FHOD3: variants seen among roughly 807,000 people sequenced by gnomAD.
FHOD3 encodes the protein FH1/FH2 domain-containing protein 3.
In FHOD3, 90 loss-of-function variants were observed where a neutral mutation model predicts 173.0. That is an observed-to-expected ratio of 0.52 (90% CI 0.44 to 0.62). FHOD3 has a LOEUF of 0.62. FHOD3 is among the 20% of genes least tolerant of loss of function. The pLI is 0.00. For missense variants in FHOD3, 1,945 were observed against 2,034.7 expected, an observed-to-expected ratio of 0.96 and a Z score of 0.85; for synonymous variants, 828 against 823.0, an observed-to-expected ratio of 1.01 and a Z score of -0.10.
At chr18:36,705,459 G>A (rs11664154) in intron 17 of FHOD3, among the ~76,000 whole-genome samples, 19,132 of 152,148 alleles carry the variant, frequency 0.13, 1,533 homozygotes, top group Non-Finnish European at 0.18. Context: ...CCAGGGCACC[G>A]TGCATTTTAT....
At chr18:36,575,010 A>T (rs532798201) in intron 5 of FHOD3, among the ~76,000 whole-genome samples, 3 of 149,934 alleles carry the variant, frequency 2.0e-5, no homozygotes, top group African/African-American at 7.4e-5. Context: ...TTGCTCTATC[A>T]CCCAGACTGG....
intron 1 of FHOD3, among the ~76,000 whole-genome samples, chr18:36,307,178 G>C (rs191187904): frequency 6.6e-6 from 1 of 152,204 alleles, no homozygotes; most frequent in Non-Finnish European, 1.5e-5. Context: ...TGGCCAGGGT[G>C]GTCTCGAATT....
At position 36,747,139 on chromosome 18, in the gene FHOD3, AG is replaced by A. The variant is rs750516582; in HGVS notation, c.4232+5del. 2 of 1,599,268 alleles carry A rather than the reference AG, an allele frequency of 1.3e-6. No homozygotes were observed. On this transcript the variant is annotated splice_donor_5th_base_variant and intron_variant, in intron 24 of 28. Coordinates refer to ENST00000590592, the MANE Select transcript of FHOD3 (RefSeq NM_001281740.3). ...TCCATAGAAGGATAATCAACAGGTA[AG>A]TGGATTGAGGAACTTATAGAAATAT...
chr18:36,725,566 C>T (rs2041019260), intron 19 of FHOD3, among the ~76,000 whole-genome samples: 1 of 152,106 alleles, frequency 6.6e-6, no homozygotes, highest in South Asian at 2.1e-4. Context: ...CTCCAGGCAG[C>T]AGGGTGGTAT....
At position 36,720,776 on chromosome 18, in the gene FHOD3, TC is replaced by T. The variant is rs2040739304; in HGVS notation, c.3417+2063del. ...CTCCTCCTGCTCCTTCTCCTCCTCC[TC>T]CTCTTCCTCCTCCTCTTCCTCCTCC... On this transcript the variant is annotated intron_variant, in intron 19 of 28. Coordinates refer to ENST00000590592, the MANE Select transcript of FHOD3 (RefSeq NM_001281740.3). Among the ~76,000 whole-genome samples, 23 of 39,406 alleles carry T rather than the reference TC, an allele frequency of 5.8e-4. 1 individual carries two copies. In the South Asian group the frequency reaches 0.027, roughly 46 times the overall value. 25.9% of individuals were successfully genotyped at this position (39,406 alleles called of 152,430 possible). A position where few individuals can be genotyped will look rare whatever the true frequency, so the allele number is the denominator to read the frequency against.
intron 21 of FHOD3, 138 bp downstream of exon 21, chr18:36,740,976 G>C: frequency 2.5e-6 from 2 of 796,814 alleles, no homozygotes; most frequent in Non-Finnish European, 3.7e-6. Context: ...TGAGGAGGTC[G>C]TGTGTACACC....
chr18:36,457,553 A>T (rs1036808461), intron 3 of FHOD3, among the ~76,000 whole-genome samples: 1 of 145,528 alleles, frequency 6.9e-6, no homozygotes, highest in African/African-American at 2.8e-5. Context: ...AAAGAAAAAA[A>T]GGGAAAGGAG....
intron 3 of FHOD3, among the ~76,000 whole-genome samples, chr18:36,423,517 G>A (rs1206431438): frequency 6.6e-6 from 1 of 152,216 alleles, no homozygotes; most frequent in African/African-American, 2.4e-5. Flanking sequence ...ATGCTGCGGA[G>A]GGGGTCTGCA....
chr18:36,736,157 G>T (rs536755178), intron 20 of FHOD3, among the ~76,000 whole-genome samples: 2 of 152,356 alleles, frequency 1.3e-5, no homozygotes, highest in African/African-American at 4.8e-5. Flanking sequence ...AGGAGCTGGG[G>T]CAAGTGCTTC....
At chr18:36,601,731 A>G (rs2031407342) in intron 7 of FHOD3, among the ~76,000 whole-genome samples, 1 of 152,252 alleles carries the variant, frequency 6.6e-6, no homozygotes, top group African/African-American at 2.4e-5. Flanking sequence ...AGAAAGCACG[A>G]AAGAGCTTCA....
At chr18:36,743,093 G>A (rs12968819) in intron 22 of FHOD3, among the ~76,000 whole-genome samples, 29 of 63,528 alleles carry the variant, frequency 4.6e-4, no homozygotes, top group South Asian at 7.6e-4. Flanking sequence ...GGTGGATCAC[G>A]AGGTCAGGAG....
chr18:36,574,314 C>T (rs547881116), intron 5 of FHOD3, among the ~76,000 whole-genome samples: 59 of 152,114 alleles, frequency 3.9e-4, no homozygotes, highest in Non-Finnish European at 7.4e-5. Context: ...TGAGTGAAAA[C>T]ACTACCTTAT....
rs1403864642 is a variant in FHOD3, at chr18:36,718,603, A to C, written c.3305A>C (p.Asn1102Thr). 3 of 1,614,044 alleles carry C rather than the reference A, an allele frequency of 1.9e-6. No homozygotes were observed. Residue 1102 changes from asparagine to threonine, a missense_variant, in exon 19 of 29, where the codon AAC becomes ACC. This residue lies in a region of FHOD3 where 231 missense variants were observed against 321.9 expected (regional missense o/e 0.72). Coordinates refer to ENST00000590592, the MANE Select transcript of FHOD3 (RefSeq NM_001281740.3). ...CGGCCTTTTGACTGGCCATGTAAAA[A>C]CAACCGACGCTGCAGAGAATTCCTG... ...EVRPFDWPCK[N>T]NRRCREFLWS...
At chr18:36,615,612 A>G (rs1209484408) in intron 9 of FHOD3, among the ~76,000 whole-genome samples, 1 of 152,236 alleles carries the variant, frequency 6.6e-6, no homozygotes, top group Non-Finnish European at 1.5e-5. Context: ...GTTTTAGTAC[A>G]ATATTCTATC....
chr18:36,766,479 A>G (rs1294752271), intron 27 of FHOD3, among the ~76,000 whole-genome samples: 3 of 152,240 alleles, frequency 2.0e-5, no homozygotes, highest in African/African-American at 7.2e-5. Context: ...ACTTACTACT[A>G]CATGGTCCCT....
intron 1 of FHOD3, among the ~76,000 whole-genome samples, chr18:36,329,122 A>C (rs2044839039): frequency 6.6e-6 from 1 of 152,112 alleles, no homozygotes; most frequent in Non-Finnish European, 1.5e-5. Flanking sequence ...CAAGGGTCTT[A>C]CCTAAAAACC....
intron 1 of FHOD3, among the ~76,000 whole-genome samples, chr18:36,322,407 T>C (rs1199478656): frequency 6.6e-6 from 1 of 152,156 alleles, no homozygotes; most frequent in African/African-American, 2.4e-5. Flanking sequence ...GTCTGTTTTC[T>C]TTTCTGCTGA....
intron 20 of FHOD3, among the ~76,000 whole-genome samples, chr18:36,738,171 T>C (rs2041732953): frequency 6.6e-6 from 1 of 152,248 alleles, no homozygotes; most frequent in Non-Finnish European, 1.5e-5. Context: ...AGTTTGTTCC[T>C]TTTATTGCCG....
intron 25 of FHOD3, among the ~76,000 whole-genome samples, chr18:36,757,453 A>G (rs896007335): frequency 7.9e-5 from 12 of 152,222 alleles, no homozygotes; most frequent in Non-Finnish European, 1.6e-4. Context: ...CTTATATCCC[A>G]AGGACATCAT....
Sources: gnomAD v4.1 joint callset for allele counts (sites outside exome capture counted in the v4.1 genomes callset) on GRCh38, gnomAD v4.1.1 for gene constraint, gnomAD v4.1.1 regional missense constraint, MANE v1.5 for transcripts, NCBI Gene and HGNC (gene_info 2026-07-23, HGNC 2026-07-21) for gene names.